SLC9A9: variants seen among roughly 807,000 people sequenced by gnomAD.
SLC9A9 encodes sodium/hydrogen exchanger 9.
Under a neutral mutation model 77.8 loss-of-function variants are expected in SLC9A9, and 62 were observed. That is an observed-to-expected ratio of 0.80 (90% CI 0.65 to 0.98). The LOEUF is 0.98. SLC9A9 is among the 50% of genes least tolerant of loss of function. The pLI is 0.00. For synonymous variants in SLC9A9, 320 were observed against 283.5 expected, an observed-to-expected ratio of 1.13 and a Z score of -1.29; for missense variants, 775 against 774.9, an observed-to-expected ratio of 1.00 and a Z score of 0.00.
chr3:143,457,169 A>T (rs2035108784), intron 12 of SLC9A9, among the ~76,000 whole-genome samples: 1 of 151,890 alleles, frequency 6.6e-6, no homozygotes, highest in Admixed American at 6.6e-5. Context: ...ATAGGCATGT[A>T]CCACCATGCC....
chr3:143,636,152 T>A (rs1290288279), intron 6 of SLC9A9, among the ~76,000 whole-genome samples: 1 of 152,218 alleles, frequency 6.6e-6, no homozygotes, highest in Non-Finnish European at 1.5e-5. Context: ...GCTCTCCTTA[T>A]TGTTTGTGGT....
chr3:143,439,444 C>T (rs748627643), intron 12 of SLC9A9, among the ~76,000 whole-genome samples: 15 of 151,414 alleles, frequency 9.9e-5, no homozygotes, highest in Middle Eastern at 3.4e-3. Context: ...AGTTCTCAGA[C>T]GGATGAGGAA....
chr3:143,674,515 T>A (rs1208580258), intron 5 of SLC9A9, among the ~76,000 whole-genome samples: 1 of 152,174 alleles, frequency 6.6e-6, no homozygotes, highest in African/African-American at 2.4e-5. Context: ...TGGTTCACAC[T>A]TCCCCTTGAA....
chr3:143,270,028 T>C (rs1937854741), intron 14 of SLC9A9, among the ~76,000 whole-genome samples: 1 of 152,222 alleles, frequency 6.6e-6, no homozygotes, highest in African/African-American at 2.4e-5. Context: ...TACTTCTGGC[T>C]TGATGTATTT....
intron 12 of SLC9A9, among the ~76,000 whole-genome samples, chr3:143,453,299 ATTATG>A (rs2035038282): frequency 6.6e-6 from 1 of 152,042 alleles, no homozygotes; most frequent in Non-Finnish European, 1.5e-5. Context: ...TTATTTCTAT[ATTATG>A]TTATTTCAGA....
At chr3:143,759,278 C>A (rs887778841) in intron 4 of SLC9A9, among the ~76,000 whole-genome samples, 1 of 152,208 alleles carries the variant, frequency 6.6e-6, no homozygotes, top group South Asian at 2.1e-4. Context: ...CCTGTCCCCT[C>A]CCCAGATCAG....
chr3:143,384,261 G>A (rs558666166), intron 12 of SLC9A9, among the ~76,000 whole-genome samples: 1 of 152,242 alleles, frequency 6.6e-6, no homozygotes, highest in East Asian at 1.9e-4. Flanking sequence ...CAGGTGTGGA[G>A]GCTCCCAGCC....
chr3:143,344,509 C>A (rs1236670557), intron 14 of SLC9A9: 1 of 152,134 alleles, frequency 6.6e-6, no homozygotes, highest in African/African-American at 2.4e-5. Context: ...TGATGATGCC[C>A]ATTTACAAAA....
At chr3:143,529,682 A>G (rs2036470551) in intron 9 of SLC9A9, among the ~76,000 whole-genome samples, 1 of 152,154 alleles carries the variant, frequency 6.6e-6, no homozygotes, top group Non-Finnish European at 1.5e-5. Context: ...CTAGGGAGAG[A>G]GTTAGATACC....
intron 14 of SLC9A9, among the ~76,000 whole-genome samples, chr3:143,307,132 GAGA>G (rs2030821463): frequency 6.6e-6 from 1 of 152,208 alleles, no homozygotes; most frequent in Admixed American, 6.5e-5. Flanking sequence ...AGGCTCTGCA[GAGA>G]AGATGATGTA....
intron 4 of SLC9A9, among the ~76,000 whole-genome samples, chr3:143,777,746 G>T (rs975156740): frequency 1.4e-5 from 2 of 140,208 alleles, no homozygotes; most frequent in South Asian, 4.4e-4. Flanking sequence ...GCAGAGTCTC[G>T]CTCTGTCACC....
chr3:143,774,232 C>A (rs1013774687), intron 4 of SLC9A9, among the ~76,000 whole-genome samples: 11 of 152,194 alleles, frequency 7.2e-5, no homozygotes, highest in African/African-American at 2.7e-4. Flanking sequence ...AACCACGTCA[C>A]CTTTCGGGAC....
At chr3:143,436,260 G>T (rs1299346982) in intron 12 of SLC9A9, among the ~76,000 whole-genome samples, 1 of 152,180 alleles carries the variant, frequency 6.6e-6, no homozygotes, top group Non-Finnish European at 1.5e-5. Context: ...TGCTGGCAGG[G>T]TCACCGCATG....
chr3:143,448,068 C>T (rs1466744900), intron 12 of SLC9A9, among the ~76,000 whole-genome samples: 1 of 152,036 alleles, frequency 6.6e-6, no homozygotes, highest in Non-Finnish European at 1.5e-5. Context: ...ACTAAGTGTC[C>T]CATTAGTAAA....
intron 13 of SLC9A9, among the ~76,000 whole-genome samples, chr3:143,378,844 T>C (rs1442767154): frequency 1.3e-5 from 2 of 152,336 alleles, no homozygotes; most frequent in East Asian, 3.9e-4. Flanking sequence ...GAACATGCTC[T>C]CTAAAGCTTT....
At chr3:143,280,004 AG>A (rs1297641405) in intron 14 of SLC9A9, among the ~76,000 whole-genome samples, 1 of 152,034 alleles carries the variant, frequency 6.6e-6, no homozygotes, top group African/African-American at 2.4e-5. Context: ...TTTTTTTTGT[AG>A]GGACAGGGTT....
intron 4 of SLC9A9, among the ~76,000 whole-genome samples, chr3:143,697,703 C>G (rs1933680993): frequency 6.6e-6 from 1 of 151,042 alleles, no homozygotes; most frequent in Non-Finnish European, 1.5e-5. Context: ...CACACACACA[C>G]ACACACACAC....
intron 4 of SLC9A9, among the ~76,000 whole-genome samples, chr3:143,765,147 TTCTC>T (rs1320472756): frequency 2.0e-5 from 3 of 150,888 alleles, no homozygotes; most frequent in African/African-American, 4.9e-5. Flanking sequence ...TTTTCTTTCT[TTCTC>T]TCTTTCTTTC....
chr3:143,750,608 G>A (rs1435102110), intron 4 of SLC9A9, among the ~76,000 whole-genome samples: 1 of 152,010 alleles, frequency 6.6e-6, no homozygotes, highest in Non-Finnish European at 1.5e-5. Flanking sequence ...CTGTAATGGT[G>A]AAAGATGAAA....
Sources: allele counts gnomAD v4.1 joint callset (sites outside exome capture counted in the v4.1 genomes callset), GRCh38; gene constraint gnomAD v4.1.1; transcripts MANE v1.5; gene names NCBI Gene and HGNC (gene_info 2026-07-23, HGNC 2026-07-21).